The following SLC44A3 variants were observed in gnomAD, a reference collection of about 807,000 sequenced individuals.
SLC44A3 encodes choline transporter-like protein 3.
In SLC44A3, 74 loss-of-function variants were observed where a neutral mutation model predicts 75.4. The ratio of observed to expected loss-of-function variants is 0.98; its 90% CI spans 0.81 to 1.19. The LOEUF (loss-of-function observed/expected upper bound fraction) is 1.19. Ranked by LOEUF, SLC44A3 falls within the 50% of genes most tolerant of loss-of-function variation. The pLI is 0.00. For synonymous variants in SLC44A3, 310 were observed against 296.9 expected, an observed-to-expected ratio of 1.04 and a Z score of -0.45; for missense variants, 700 against 778.6, an observed-to-expected ratio of 0.90 and a Z score of 1.20.
chr1:94,851,020 T>C (rs548651093), intron 9 of SLC44A3, among the ~76,000 whole-genome samples: 15 of 152,218 alleles, frequency 9.9e-5, no homozygotes, highest in African/African-American at 3.6e-4. Flanking sequence ...CCTGGTCCCT[T>C]TGGGAAGGTG....
intron 7 of SLC44A3, among the ~76,000 whole-genome samples, chr1:94,840,456 ATTTTTGTAT>A (rs1375816614): frequency 2.6e-5 from 4 of 151,298 alleles, no homozygotes; most frequent in Non-Finnish European, 4.4e-5. Flanking sequence ...CACCCAGCTA[ATTTTTGTAT>A]TTTTTGTAGA....
chr1:94,856,533 A>C (rs961740456), intron 9 of SLC44A3, among the ~76,000 whole-genome samples: 3 of 152,280 alleles, frequency 2.0e-5, no homozygotes, highest in African/African-American at 7.2e-5. Context: ...ATAAAGTTTA[A>C]ATTTTTGGTG....
At chr1:94,852,039 G>A (rs1315906467) in intron 9 of SLC44A3, among the ~76,000 whole-genome samples, 4 of 152,134 alleles carry the variant, frequency 2.6e-5, no homozygotes, top group South Asian at 4.1e-4. Flanking sequence ...CTAGAAAATT[G>A]TCTCCAAATC....
At chr1:94,854,796 G>A (rs993297687) in intron 9 of SLC44A3, among the ~76,000 whole-genome samples, 2 of 151,336 alleles carry the variant, frequency 1.3e-5, no homozygotes, top group African/African-American at 4.9e-5. Flanking sequence ...GGTTGTCGTG[G>A]CTGTGGGAGG....
chr1:94,830,424 G>A (rs561014201), intron 5 of SLC44A3, among the ~76,000 whole-genome samples: 2 of 152,230 alleles, frequency 1.3e-5, no homozygotes, highest in African/African-American at 4.8e-5. Flanking sequence ...TGTTGGCCAG[G>A]ATGGTCTTGA....
rs537679694 is a variant in SLC44A3 at position 94,892,642 on chromosome 1, C to T, written c.1857+125C>T. On this transcript the variant is annotated intron_variant, in intron 14 of 14. Coordinates refer to ENST00000271227, the MANE Select transcript of SLC44A3 (RefSeq NM_001114106.3). ...CTTCTAGAGGGCTCTGAGGCTTCTA[C>T]TACCCCCGGGCCTGAAAGTGGGATT... is the stretch of plus-strand genomic sequence containing the variant. The T allele has an allele frequency of 2.0e-4, 187 of 926,466 alleles. No individual in the cohort carries two copies. In the East Asian group the frequency reaches 4.2e-3, roughly 21 times the overall value. 57.4% of individuals were successfully genotyped at this position (926,466 alleles called of 1,614,324 possible). A position where few individuals can be genotyped will look rare whatever the true frequency, so the allele number is the denominator to read the frequency against.
intron 2 of SLC44A3, among the ~76,000 whole-genome samples, chr1:94,822,707 C>G (rs907037792): frequency 6.6e-6 from 1 of 152,190 alleles, no homozygotes; most frequent in Non-Finnish European, 1.5e-5. Flanking sequence ...ATCTCTGCCT[C>G]TACTTACCCC....
chr1:94,846,838 C>T (rs937656586), intron 9 of SLC44A3, among the ~76,000 whole-genome samples: 8 of 152,238 alleles, frequency 5.3e-5, no homozygotes, highest in Non-Finnish European at 1.2e-4. Flanking sequence ...TATCTTGTCC[C>T]TTACTGGCTC....
intron 14 of SLC44A3, among the ~76,000 whole-genome samples, chr1:94,894,387 C>T (rs1226213785): frequency 1.3e-5 from 2 of 152,134 alleles, no homozygotes; most frequent in African/African-American, 4.8e-5. Flanking sequence ...AAAAAACCAC[C>T]TCTGGCCCCT....
intron 12 of SLC44A3, among the ~76,000 whole-genome samples, chr1:94,881,856 C>CAAA (rs11435512): frequency 0.01 from 1,392 of 138,980 alleles, 21 homozygotes; most frequent in African/African-American, 0.035. Flanking sequence ...ACTAAAAATA[C>CAAA]AAAAAAAAAA....
intron 6 of SLC44A3, chr1:94,839,102 C>T (rs1400637332): frequency 1.3e-5 from 2 of 152,210 alleles, no homozygotes; most frequent in African/African-American, 4.8e-5. Context: ...CCAAAACCCA[C>T]CTTACTAAAC....
chr1:94,893,611 G>C (rs1196881149), intron 14 of SLC44A3, among the ~76,000 whole-genome samples: 3 of 151,958 alleles, frequency 2.0e-5, no homozygotes, highest in Non-Finnish European at 4.4e-5. Flanking sequence ...CCTGACCTCA[G>C]GTGATCCATC....
chr1:94,837,920 G>A (rs1663042663), intron 6 of SLC44A3, 49 bp downstream of exon 6: 1 of 1,463,166 alleles, frequency 6.8e-7, no homozygotes, highest in Non-Finnish European at 9.2e-7. Context: ...GAATGCCAAA[G>A]TTCCTAGCAT....
intron 12 of SLC44A3, among the ~76,000 whole-genome samples, chr1:94,881,194 C>G (rs1668927169): frequency 6.6e-6 from 1 of 152,202 alleles, no homozygotes; most frequent in African/African-American, 2.4e-5. Context: ...CTGTCTGTCA[C>G]CAGGCCTTCA....
At chr1:94,856,578 G>A (rs188458670) in intron 9 of SLC44A3, among the ~76,000 whole-genome samples, 2 of 152,306 alleles carry the variant, frequency 1.3e-5, no homozygotes, top group East Asian at 1.9e-4. Context: ...TAAAAGCTTT[G>A]TGTGGTTTCA....
chr1:94,894,258 C>CTT (rs1286775064), intron 14 of SLC44A3, among the ~76,000 whole-genome samples: 1 of 152,170 alleles, frequency 6.6e-6, no homozygotes. Context: ...TAATATGGCA[C>CTT]TTTGACATGC....
intron 14 of SLC44A3, among the ~76,000 whole-genome samples, chr1:94,892,771 CAGCAGCACT>C: frequency 6.6e-6 from 1 of 152,324 alleles, no homozygotes; most frequent in African/African-American, 2.4e-5. Flanking sequence ...TCCTAAGTAG[CAGCAGCACT>C]TCTTACCCTG....
chr1:94,862,499 A>G (rs189391202), intron 10 of SLC44A3, among the ~76,000 whole-genome samples: 6 of 152,262 alleles, frequency 3.9e-5, no homozygotes, highest in Admixed American at 2.6e-4. Flanking sequence ...GATGGATGGG[A>G]CCATTAAACC....
chr1:94,820,710 A>T (rs1466769768), intron 1 of SLC44A3: 4 of 1,387,940 alleles, frequency 2.9e-6, no homozygotes, highest in Non-Finnish European at 2.8e-6. Flanking sequence ...GGTCGTCCTC[A>T]GGTGCACCTC....
Sources: allele counts gnomAD v4.1 joint callset (sites outside exome capture counted in the v4.1 genomes callset), GRCh38; gene constraint gnomAD v4.1.1; transcripts MANE v1.5; gene names NCBI Gene and HGNC (gene_info 2026-07-23, HGNC 2026-07-21).